Variants in PGS1 observed in about 807,000 individuals in gnomAD.
PGS1 encodes CDP-diacylglycerol--glycerol-3-phosphate 3-phosphatidyltransferase, mitochondrial.
PGS1 carries 44 observed loss-of-function variants against 58.3 expected under a neutral mutation model. The observed-to-expected ratio is 0.75, with a 90% confidence interval of 0.59 to 0.97. The LOEUF is 0.97. Among genes scored for constraint, PGS1 ranks in the 50% least tolerant of loss-of-function variants. The probability of loss-of-function intolerance (pLI) is 0.00; values close to 1 mark genes in which losing one functional copy is unlikely to be tolerated. For synonymous variants in PGS1, 330 were observed against 311.0 expected, an observed-to-expected ratio of 1.06 and a Z score of -0.64; for missense variants, 684 against 731.1, an observed-to-expected ratio of 0.94 and a Z score of 0.74.
chr17:78,408,551 G>T (rs542352175), intron 7 of PGS1, among the ~76,000 whole-genome samples: 71 of 152,324 alleles, frequency 4.7e-4, no homozygotes, highest in Non-Finnish European at 7.8e-4. Flanking sequence ...ACTGGGGGCC[G>T]AGGGCTGCTG....
At chr17:78,417,632 G>A (rs1467381748) in intron 8 of PGS1, among the ~76,000 whole-genome samples, 1 of 152,128 alleles carries the variant, frequency 6.6e-6, no homozygotes, top group African/African-American at 2.4e-5. Context: ...TGAGCAGGGA[G>A]TGTGCCACTT....
chr17:78,413,765 T>A (rs1347807440), intron 7 of PGS1, among the ~76,000 whole-genome samples: 3 of 152,102 alleles, frequency 2.0e-5, no homozygotes, highest in African/African-American at 7.2e-5. Context: ...TAGAAGTAGT[T>A]CTGATGGGTG....
chr17:78,406,290 C>T (rs1436102051), intron 7 of PGS1, among the ~76,000 whole-genome samples: 2 of 152,086 alleles, frequency 1.3e-5, no homozygotes, highest in African/African-American at 4.8e-5. Context: ...TGCATTCCAG[C>T]CTGGGCAACA....
chr17:78,385,649 TC>T (rs1300934278), intron 1 of PGS1, among the ~76,000 whole-genome samples: 2 of 152,216 alleles, frequency 1.3e-5, no homozygotes, highest in Non-Finnish European at 2.9e-5. Flanking sequence ...GGTCTTGAAC[TC>T]CTGACCTCAT....
Position 78,424,303 on chromosome 17 carries a change from G to C in PGS1, c.*253G>C. 1 of 988,226 alleles carries C rather than the reference G, an allele frequency of 1.0e-6. No homozygotes were observed. The highest frequency in any genetic ancestry group is 1.7e-5 in the South Asian group (1 of 57,758). The allele number at this position is 988,226 out of a possible 1,614,324, so 61.2% of individuals were successfully genotyped here. On this transcript the variant is annotated 3_prime_UTR_variant, in exon 10 of 10. Transcript: ENST00000262764. ...AGGCCAGCTGCCACGGCTGGAAGCA[G>C]AGGCCTTCGTAGGTGATGGCCTGCA...
rs912558952 is a variant in PGS1, at chr17:78,400,454, G to A, written c.702-223G>A. 4.6e-5 allele frequency among the ~76,000 whole-genome samples: 7 copies of A among 151,830 alleles called. No homozygotes were observed. The highest frequency in any genetic ancestry group is 7.3e-5 in the African/African-American group (3 of 41,338). The stretch of plus-strand genomic sequence containing the variant: ...ATCTCCTCTTCTCAGCTACACTGTC[G>A]GCTCCTTGAGAGGAGGAGGCTGTGG... On this transcript the variant is annotated intron_variant, in intron 5 of 9. Transcript: ENST00000262764. The surrounding 1 kb of genome is among the most constrained non-coding windows in gnomAD (Gnocchi z 4.4).
rs1033553098 is a variant in PGS1 at position 78,423,742 on chromosome 17, A to C, written c.*11-319A>C. 1.6e-5 allele frequency: 15 copies of C among 914,156 alleles called. No individual in the cohort carries two copies. The Middle Eastern group carries it at 1.4e-3, about 85-fold the overall frequency. The allele number at this position is 914,156 out of a possible 1,614,324, so 56.6% of individuals were successfully genotyped here. ...AATCTGCCCCACCTCTTCCACACCA[A>C]CCTCCACCCTCTGGTTCCGATGTGC... is the stretch of plus-strand genomic sequence containing the variant. On this transcript the variant is annotated intron_variant, in intron 9 of 9. Transcript: ENST00000262764.
intron 2 of PGS1, 63 bp downstream of exon 2, chr17:78,392,728 C>T (rs1158500201): frequency 2.3e-6 from 3 of 1,296,734 alleles, no homozygotes; most frequent in Non-Finnish European, 3.3e-6. Flanking sequence ...GTTGGTGAGT[C>T]CTGAGTGCTT....
chr17:78,405,551 G>T (rs1360780679), intron 7 of PGS1, among the ~76,000 whole-genome samples: 1 of 152,212 alleles, frequency 6.6e-6, no homozygotes, highest in Non-Finnish European at 1.5e-5. Context: ...CCGAAATGGG[G>T]CAGAATCCCA....
intron 3 of PGS1, 131 bp from the exon 4 acceptor site, chr17:78,398,121 C>T (rs748862393): frequency 2.5e-5 from 19 of 766,140 alleles, no homozygotes; most frequent in Middle Eastern, 2.3e-4. Flanking sequence ...TGTTGGTGTC[C>T]GAGTGCTGAT....
At position 78,400,635 on chromosome 17, in the gene PGS1, C is replaced by T. The variant is rs774210647; in HGVS notation, c.702-42C>T. On this transcript the variant is annotated intron_variant, in intron 5 of 9. Transcript: ENST00000262764. The surrounding 1 kb of genome is among the most constrained non-coding windows in gnomAD (Gnocchi z 4.4). ...GTCACCAGGACACGCTGCTGCATAC[C>T]CTTGCCTGAGTCCTCCTCACCTGCA... 5.7e-6 allele frequency: 9 copies of T among 1,587,590 alleles called. No homozygotes were observed. The highest frequency in any genetic ancestry group is 3.3e-5 in the Admixed American group (2 of 59,760).
At chr17:78,397,964 G>A (rs2083367240) in intron 3 of PGS1, 1 of 514,884 alleles carries the variant, frequency 1.9e-6, no homozygotes, top group Admixed American at 2.4e-5. Flanking sequence ...TGGTGTCGTA[G>A]CGTTTCCAGG....
chr17:78,383,063 T>C (rs966821615), intron 1 of PGS1, among the ~76,000 whole-genome samples: 1 of 152,176 alleles, frequency 6.6e-6, no homozygotes, highest in Non-Finnish European at 1.5e-5. Flanking sequence ...TGTGGCTTAC[T>C]TTTTTTCCTT....
In PGS1 at chr17:78,424,520, G is replaced by T. The variant is rs2086324303; in HGVS notation, c.*470G>T. On this transcript the variant is annotated 3_prime_UTR_variant, in exon 10 of 10. Coordinates refer to ENST00000262764, the MANE Select transcript of PGS1 (RefSeq NM_024419.5). ...TCTTAATGTGTAATGTCTGCCCTAT[G>T]TGTACATACACAATATAATTATACA... 3.9e-6 allele frequency: 1 copy of T among 254,942 alleles called. No individual in the cohort carries two copies. Among genetic ancestry groups the T allele is most frequent in the Non-Finnish European group, 7.6e-6 (1 of 130,962 alleles). The allele number at this position is 254,942 out of a possible 1,614,324, so 15.8% of individuals were successfully genotyped here.
chr17:78,384,211 C>T (rs894293014), intron 1 of PGS1, among the ~76,000 whole-genome samples: 16 of 152,298 alleles, frequency 1.1e-4, no homozygotes, highest in African/African-American at 3.1e-4. Context: ...CTGGGCCTCT[C>T]GTGCCGGACT....
At chr17:78,387,071 T>C (rs1228460259) in intron 1 of PGS1, among the ~76,000 whole-genome samples, 17 of 152,126 alleles carry the variant, frequency 1.1e-4, no homozygotes, top group Admixed American at 9.2e-4. Flanking sequence ...AGTGCAGTGG[T>C]GTGACCTCTG....
At chr17:78,388,995 C>T (rs1229229854) in intron 1 of PGS1, among the ~76,000 whole-genome samples, 1 of 100,786 alleles carries the variant, frequency 9.9e-6, no homozygotes, top group Non-Finnish European at 1.9e-5. Flanking sequence ...TTAAGTTGAA[C>T]AAGTTGAACT....
intron 7 of PGS1, among the ~76,000 whole-genome samples, chr17:78,409,878 A>G (rs1598354862): frequency 1.3e-5 from 2 of 152,238 alleles, no homozygotes; most frequent in African/African-American, 2.4e-5. Context: ...TGGGAGGCCA[A>G]GGTAGGCGGA....
chr17:78,386,684 T>A (rs937810688), intron 1 of PGS1, among the ~76,000 whole-genome samples: 2 of 152,192 alleles, frequency 1.3e-5, no homozygotes, highest in African/African-American at 4.8e-5. Context: ...TAAGTAAGCC[T>A]CCCTGGGATG....
Sources: allele counts gnomAD v4.1 joint callset (sites outside exome capture counted in the v4.1 genomes callset), GRCh38; gene constraint gnomAD v4.1.1; non-coding constraint Gnocchi (gnomAD v3.1); transcripts MANE v1.5; gene names NCBI Gene and HGNC (gene_info 2026-07-23, HGNC 2026-07-21).